FRMPD4: variants seen among roughly 807,000 people sequenced by gnomAD.
The protein encoded by FRMPD4 is FERM and PDZ domain containing 4.
FRMPD4 carries 22 observed loss-of-function variants against 94.1 expected under a neutral mutation model. The ratio of observed to expected loss-of-function variants is 0.23; its 90% CI spans 0.17 to 0.33. The LOEUF is 0.33. Among genes scored for constraint, FRMPD4 ranks in the 10% least tolerant of loss-of-function variants. The probability of loss-of-function intolerance (pLI) is 1.00; values close to 1 mark genes in which losing one functional copy is unlikely to be tolerated. For synonymous variants in FRMPD4, 631 were observed against 548.6 expected (o/e 1.15, Z -2.10); for missense variants, 1,111 against 1,339.9 (o/e 0.83, Z 2.67).
At chrX:12,532,108 C>T (rs765740170) in intron 2 of FRMPD4, among the ~76,000 whole-genome samples, 30 of 111,921 alleles carry the variant, frequency 2.7e-4, no homozygotes, top group African/African-American at 9.4e-4. Context: ...ACAAAAGCAG[C>T]AGGCATGGGT....
At chrX:12,452,278 A>G (rs149297074) in intron 1 of FRMPD4, among the ~76,000 whole-genome samples, 1 of 112,461 alleles carries the variant, frequency 8.9e-6, no homozygotes, top group African/African-American at 3.2e-5. Context: ...ATAATTTTAG[A>G]TCACTCATAA....
chrX:11,972,356 A>C (rs1446985008), intron 3 of FRMPD4, among the ~76,000 whole-genome samples: 1 of 111,972 alleles, frequency 8.9e-6, no homozygotes, highest in Non-Finnish European at 1.9e-5. Context: ...CAAGAGGAGT[A>C]CATCCCTTCC....
chrX:12,506,156 T>C (rs891247179), intron 2 of FRMPD4, among the ~76,000 whole-genome samples: 1 of 111,865 alleles, frequency 8.9e-6, no homozygotes, highest in Non-Finnish European at 1.9e-5. Context: ...TTTTAGGACC[T>C]GTTGCAAAAT....
At chrX:12,045,418 G>A (rs1277917779) in intron 3 of FRMPD4, among the ~76,000 whole-genome samples, 1 of 111,458 alleles carries the variant, frequency 9.0e-6, no homozygotes, top group Non-Finnish European at 1.9e-5. Context: ...GCTTTTCAAG[G>A]TTGTTTTTCC....
chrX:12,486,776 C>T (rs2057743657), intron 1 of FRMPD4, among the ~76,000 whole-genome samples: 1 of 111,901 alleles, frequency 8.9e-6, no homozygotes, highest in African/African-American at 3.2e-5. Context: ...TATGTTTGGA[C>T]ATGAAAAGGT....
chrX:12,376,054 C>G (rs2056232449), intron 1 of FRMPD4, among the ~76,000 whole-genome samples: 1 of 112,304 alleles, frequency 8.9e-6, no homozygotes, highest in Non-Finnish European at 1.9e-5. Flanking sequence ...ATCTATCATT[C>G]ATTCCTGTGT....
intron 1 of FRMPD4, among the ~76,000 whole-genome samples, chrX:12,226,574 T>A (rs1489300657): frequency 9.0e-6 from 1 of 111,262 alleles, no homozygotes; most frequent in Non-Finnish European, 1.9e-5. Context: ...GTTTCATGGA[T>A]GTTGGCAGAA....
At chrX:11,983,376 T>C (rs1262636994) in intron 3 of FRMPD4, among the ~76,000 whole-genome samples, 2 of 111,963 alleles carry the variant, frequency 1.8e-5, no homozygotes, top group Non-Finnish European at 3.8e-5. Context: ...TCCTCTTTAC[T>C]GTACCACCAC....
intron 5 of FRMPD4, among the ~76,000 whole-genome samples, chrX:12,675,993 C>T (rs1220151425): frequency 1.8e-5 from 2 of 111,809 alleles, no homozygotes; most frequent in Non-Finnish European, 3.8e-5. Context: ...ATAGAACTAA[C>T]CAAGACAACA....
At chrX:12,331,229 T>G (rs1464175495) in intron 1 of FRMPD4, among the ~76,000 whole-genome samples, 1 of 109,350 alleles carries the variant, frequency 9.1e-6, no homozygotes, top group Admixed American at 9.9e-5. Context: ...ATTTCGTTTT[T>G]TTTTTTTTTT....
In FRMPD4 at chrX:12,202,449, G is replaced by C. The variant is rs2056642108; in HGVS notation, c.41+63437G>C. ...TAACATCACCTATAAAAAATATTTGGGGTGCTCGTATCCACATTTTATTTG... is the reference window on the plus strand; with the variant it reads ...TAACATCACCTATAAAAAATATTTGCGGTGCTCGTATCCACATTTTATTTG... On this transcript the variant is annotated intron_variant, in intron 1 of 16. Coordinates refer to ENST00000675598, the MANE Select transcript of FRMPD4 (RefSeq NM_001368397.1). Among the ~76,000 whole-genome samples, 5 of 111,796 alleles carry C rather than the reference G, an allele frequency of 4.5e-5. No individual in the cohort carries two copies. In the Admixed American group the frequency reaches 4.7e-4, roughly 11 times the overall value.
At chrX:12,473,902 T>A (rs1285642260) in intron 1 of FRMPD4, among the ~76,000 whole-genome samples, 1 of 109,159 alleles carries the variant, frequency 9.2e-6, no homozygotes, top group Non-Finnish European at 1.9e-5. Context: ...ATTACACAGA[T>A]CGACAAGACA....
chrX:12,710,526 C>G lies in FRMPD4; in HGVS notation c.1598C>G (p.Thr533Ser). 1 of 1,206,688 alleles carries G rather than the reference C, an allele frequency of 8.3e-7. No individual in the cohort carries two copies. The change falls in exon 14 of 17, where the codon ACC becomes AGC. Residue 533 changes from threonine (T) to serine (S), a missense_variant. Around this residue, in one of 8 missense-constraint regions of FRMPD4, gnomAD observed 192 missense variants for 192.5 expected, o/e 1.00. Coordinates refer to ENST00000675598, the MANE Select transcript of FRMPD4 (RefSeq NM_001368397.1). ...ATGGCCAACAAGAAAAACACAGCGA[C>G]CCAGGAAACAGGTATTCTCTTCCTG... is the stretch of plus-strand genomic sequence containing the variant. ...FNMANKKNTA[T>S]QETGPENKGK... is the part of the protein sequence containing the mutation.
chrX:12,670,841 T>C (rs1377601194), intron 4 of FRMPD4, among the ~76,000 whole-genome samples: 1 of 112,172 alleles, frequency 8.9e-6, no homozygotes, highest in East Asian at 2.8e-4. Context: ...TCTATTCACC[T>C]GACAAAGGGC....
chrX:12,497,065 GAAAGGAAAGGA>G, intron 1 of FRMPD4, among the ~76,000 whole-genome samples: 1 of 111,396 alleles, frequency 9.0e-6, no homozygotes, highest in Non-Finnish European at 1.9e-5. Flanking sequence ...AAGAAGAATG[GAAAGGAAAGGA>G]AAAGGAAAAG....
intron 3 of FRMPD4, among the ~76,000 whole-genome samples, chrX:12,132,624 C>T (rs6640905): frequency 0.13 from 14,766 of 110,598 alleles, 1,508 homozygotes; most frequent in East Asian, 0.6. Flanking sequence ...ATAAAAAAGA[C>T]ATTGAGAAGA....
intron 4 of FRMPD4, among the ~76,000 whole-genome samples, chrX:12,661,623 G>T (rs1336442185): frequency 1.8e-5 from 2 of 112,063 alleles, no homozygotes; most frequent in African/African-American, 3.2e-5. Flanking sequence ...GTGGAAGCAA[G>T]CTTCAGCGGC....
intron 1 of FRMPD4, among the ~76,000 whole-genome samples, chrX:12,490,120 C>T (rs745336314): frequency 5.4e-5 from 6 of 111,485 alleles, no homozygotes; most frequent in African/African-American, 9.8e-5. Flanking sequence ...TCCCACACAG[C>T]GGGAACTGTA....
intron 1 of FRMPD4, among the ~76,000 whole-genome samples, chrX:12,449,255 T>A (rs2057236561): frequency 8.9e-6 from 1 of 112,348 alleles, no homozygotes; most frequent in Non-Finnish European, 1.9e-5. Context: ...ACTTCCCAAC[T>A]GGGCAACTGT....
Sources: allele counts gnomAD v4.1 joint callset (sites outside exome capture counted in the v4.1 genomes callset), GRCh38; gene constraint gnomAD v4.1.1; regional missense constraint gnomAD v4.1.1; transcripts MANE v1.5; gene names NCBI Gene and HGNC (gene_info 2026-07-23, HGNC 2026-07-21).